IER3IP1: variants seen among roughly 807,000 people sequenced by gnomAD.
The protein encoded by IER3IP1 is immediate early response 3 interacting protein 1.
In IER3IP1, 16 loss-of-function variants were observed where a neutral mutation model predicts 12.2. That is an observed-to-expected ratio of 1.31 (90% confidence interval 0.89 to 1.99). The LOEUF is 1.99. Ranked by LOEUF, IER3IP1 falls within the 30% of genes most tolerant of loss-of-function variation. The pLI is 0.00. For missense variants in IER3IP1, 95 were observed against 95.8 expected, an observed-to-expected ratio of 0.99 and a Z score of 0.03; for synonymous variants, 42 against 40.0, an observed-to-expected ratio of 1.05 and a Z score of -0.19.
In IER3IP1 at chr18:47,154,484, T is replaced by C. The variant is rs572527492; in HGVS notation, c.*1693A>G. On this transcript the variant is annotated 3_prime_UTR_variant, in exon 3 of 3. Transcript: ENST00000256433. ...GATGAAGGTATGCTGTAATGTCTTA[T>C]ATGAAAAATAACATCAGATCAAGGT... 4.7e-4 allele frequency: 72 copies of C among 152,356 alleles called. No homozygotes were observed. The highest frequency in any genetic ancestry group is 1.7e-3 in the African/African-American group (69 of 41,594). The allele number at this position is 152,356 out of a possible 1,614,324, so 9.4% of individuals were successfully genotyped here.
intron 1 of IER3IP1, among the ~76,000 whole-genome samples, chr18:47,165,324 G>A (rs1369282363): frequency 2.6e-5 from 4 of 152,136 alleles, no homozygotes; most frequent in Admixed American, 2.0e-4. Context: ...AGGCCAAGGC[G>A]GGCAGATCAC....
Position 47,157,518 on chromosome 18 carries a change from C to G in IER3IP1, c.111G>C (p.Gln37His), listed in dbSNP as rs1215910918. The change falls in exon 2 of 3, where the codon CAG becomes CAC. Residue 37 changes from glutamine to histidine, a missense_variant. By Grantham distance (24) the Gln-to-His change is conservative. Coordinates refer to ENST00000256433, the MANE Select transcript of IER3IP1 (RefSeq NM_016097.5). ...FLKNIGWGTD[Q>H]GIGGFGEEPG... is the part of the protein sequence containing the mutation. ...GCTCTTCTCCAAATCCACCAATTCCCTGGTCTGTTCCCCAGCCAACTGTAT... is the reference window on the plus strand; with the variant it reads ...GCTCTTCTCCAAATCCACCAATTCCGTGGTCTGTTCCCCAGCCAACTGTAT... The G allele has an allele frequency of 1.2e-6, 2 of 1,614,102 alleles. No individual in the cohort carries two copies. The highest frequency in any genetic ancestry group is 1.1e-5 in the South Asian group (1 of 91,082).
chr18:47,165,882 G>T (rs771176402), intron 1 of IER3IP1, among the ~76,000 whole-genome samples: 1 of 152,220 alleles, frequency 6.6e-6, no homozygotes, highest in Non-Finnish European at 1.5e-5. Context: ...CCAGAACAGT[G>T]AGAAAATTGT....
chr18:47,157,560 G>A (rs1599992628), intron 1 of IER3IP1, 23 bp from the exon 2 acceptor site: 3 of 1,601,976 alleles, frequency 1.9e-6, no homozygotes, highest in South Asian at 2.2e-5. Context: ...AAGATTAGCT[G>A]TGTTAAAAGT....
chr18:47,168,479 A>T (rs2064004484), intron 1 of IER3IP1, among the ~76,000 whole-genome samples: 1 of 152,172 alleles, frequency 6.6e-6, no homozygotes, highest in African/African-American at 2.4e-5. Flanking sequence ...AGCAATATAG[A>T]TTAGTTATGT....
chr18:47,160,750 T>C (rs2063977458), intron 1 of IER3IP1, among the ~76,000 whole-genome samples: 1 of 152,240 alleles, frequency 6.6e-6, no homozygotes, highest in South Asian at 2.1e-4. Context: ...TTTGAGATTA[T>C]GATCCAAACC....
chr18:47,156,387 C>T (rs2063959137), intron 2 of IER3IP1, among the ~76,000 whole-genome samples, 155 bp from the exon 3 acceptor site: 1 of 152,142 alleles, frequency 6.6e-6, no homozygotes, highest in East Asian at 1.9e-4. Context: ...TTCTAAAATA[C>T]ATTGGATCAT....
intron 1 of IER3IP1, among the ~76,000 whole-genome samples, chr18:47,171,058 T>A (rs1413900350): frequency 6.9e-6 from 1 of 145,488 alleles, no homozygotes; most frequent in African/African-American, 2.5e-5. Flanking sequence ...CCTCCTATTG[T>A]TAGTTTGTTG....
At chr18:47,175,234 T>C (rs1600004818) in intron 1 of IER3IP1, among the ~76,000 whole-genome samples, 1 of 152,336 alleles carries the variant, frequency 6.6e-6, no homozygotes, top group East Asian at 1.9e-4. Flanking sequence ...TTTTCATTTT[T>C]GAATTTCTAA....
chr18:47,171,865 T>A (rs897379783), intron 1 of IER3IP1, among the ~76,000 whole-genome samples: 9 of 152,072 alleles, frequency 5.9e-5, no homozygotes, highest in African/African-American at 9.7e-5. Flanking sequence ...GGATCTCAGC[T>A]CACTCCAACC....
At chr18:47,176,121 C>G (rs2144443464) in intron 1 of IER3IP1, 66 bp downstream of exon 1, 3 of 1,328,312 alleles carry the variant, frequency 2.3e-6, no homozygotes, top group Non-Finnish European at 3.2e-6. Context: ...TCACGCGGCC[C>G]CATTAGGTTA....
Position 47,155,476 on chromosome 18 carries a change from T to C in IER3IP1, c.*701A>G, listed in dbSNP as rs1432161466. ...TTGTAAAAAGGGCAGACTTATAGAT[T>C]TTTCTGACAATGAAAATCTGTAGAC... On this transcript the variant is annotated 3_prime_UTR_variant, in exon 3 of 3. Transcript: ENST00000256433. 2 of 152,202 alleles carry C rather than the reference T, an allele frequency of 1.3e-5. No individual in the cohort carries two copies. The highest frequency in any genetic ancestry group is 2.9e-5 in the Non-Finnish European group (2 of 68,028). The allele number at this position is 152,202 out of a possible 1,614,324, so 9.4% of individuals were successfully genotyped here.
chr18:47,164,871 AAGACCAGTCAGC>A (rs1322575388), intron 1 of IER3IP1, among the ~76,000 whole-genome samples: 4 of 152,146 alleles, frequency 2.6e-5, no homozygotes, highest in Non-Finnish European at 4.4e-5. Context: ...AATAAATGAT[AAGACCAGTCAGC>A]AGTACTTGCT....
At chr18:47,175,638 T>C (rs1320072502) in intron 1 of IER3IP1, among the ~76,000 whole-genome samples, 1 of 152,108 alleles carries the variant, frequency 6.6e-6, no homozygotes, top group Non-Finnish European at 1.5e-5. Flanking sequence ...AATCTTTGTA[T>C]TTTTAGTAGA....
intron 1 of IER3IP1, among the ~76,000 whole-genome samples, chr18:47,163,122 C>T (rs1007986720): frequency 6.6e-6 from 1 of 152,074 alleles, no homozygotes; most frequent in Non-Finnish European, 1.5e-5. Context: ...ATGCACACCT[C>T]TGGTAAAGTT....
intron 1 of IER3IP1, among the ~76,000 whole-genome samples, chr18:47,166,753 A>C (rs765237122): frequency 2.3e-4 from 35 of 152,208 alleles, no homozygotes; most frequent in Non-Finnish European, 4.0e-4. Flanking sequence ...AAAAACCCAA[A>C]TTAAAAACAA....
intron 1 of IER3IP1, among the ~76,000 whole-genome samples, chr18:47,161,448 G>A (rs76118543): frequency 0.077 from 11,779 of 152,112 alleles, 587 homozygotes; most frequent in Non-Finnish European, 0.11. Context: ...GCTATCTCTT[G>A]CAAGACTCTT....
In IER3IP1 at chr18:47,171,443, T is replaced by A. The variant is rs760755770; in HGVS notation, c.91+4744A>T. ...ATCTTTTGGAAGAGTTTGTGAGAAA[T>A]TGGTATTAAGTCTTCTTTAAATGTT... On this transcript the variant is annotated intron_variant, in intron 1 of 2. Transcript: ENST00000256433. Among the ~76,000 whole-genome samples the A allele has an allele frequency of 3.9e-5, 6 of 152,120 alleles. No individual in the cohort carries two copies. In the South Asian group the frequency reaches 1.2e-3, roughly 32 times the overall value.
rs968915916 is a variant in IER3IP1 at position 47,157,471 on chromosome 18, A to C, written c.158T>G (p.Met53Arg). The C allele has an allele frequency of 6.2e-7, 1 of 1,613,990 alleles. No homozygotes were observed. Among genetic ancestry groups the C allele is most frequent in the Non-Finnish European group, 8.5e-7 (1 of 1,180,006 alleles). ...GEEPGIKSQL[M>R]NLIRSVRTVM... Reference sequence around the variant, plus strand: ...GGTTCTTACAGATCGAATAAGGTTCATTAGCTGTGATTTAATTCCCGGCTC... The same window carrying C: ...GGTTCTTACAGATCGAATAAGGTTCCTTAGCTGTGATTTAATTCCCGGCTC... Residue 53 changes from methionine (M) to arginine (R), a missense_variant, in exon 2 of 3, where the codon ATG (methionine) becomes AGG (arginine). By Grantham distance (91) the Met-to-Arg change is moderately conservative. Coordinates refer to ENST00000256433, the MANE Select transcript of IER3IP1 (RefSeq NM_016097.5).
Sources: gnomAD v4.1 joint callset for allele counts (sites outside exome capture counted in the v4.1 genomes callset) on GRCh38, gnomAD v4.1.1 for gene constraint, MANE v1.5 for transcripts, NCBI Gene and HGNC (gene_info 2026-07-23, HGNC 2026-07-21) for gene names.